Variants in PHF20 observed in about 807,000 individuals in gnomAD.
PHF20 encodes glioma-expressed antigen 2.
PHF20 carries 23 observed loss-of-function variants against 113.5 expected under a neutral mutation model. That is an observed-to-expected ratio of 0.20 (90% confidence interval 0.15 to 0.29). The LOEUF (loss-of-function observed/expected upper bound fraction) is 0.29. Among genes scored for constraint, PHF20 ranks in the 10% least tolerant of loss-of-function variants. The pLI is 1.00. For missense variants in PHF20, 943 were observed against 1,219.6 expected, an observed-to-expected ratio of 0.77 and a Z score of 3.38; for synonymous variants, 434 against 457.3, an observed-to-expected ratio of 0.95 and a Z score of 0.65.
At chr20:35,810,952 C>T (rs747836060) in intron 2 of PHF20, among the ~76,000 whole-genome samples, 1 of 151,966 alleles carries the variant, frequency 6.6e-6, no homozygotes, top group Non-Finnish European at 1.5e-5. Flanking sequence ...CAAGGTACAA[C>T]CATATTTTTT....
intron 15 of PHF20, among the ~76,000 whole-genome samples, chr20:35,933,359 A>G (rs1314985021): frequency 2.7e-5 from 4 of 148,246 alleles, no homozygotes; most frequent in Non-Finnish European, 5.9e-5. Context: ...TAAACTCCTG[A>G]GTTGCTAGGA....
chr20:35,850,583 CTG>C lies in PHF20; in HGVS notation c.340+3151_340+3152del, dbSNP rs2042708449. 10 of 84,044 alleles carry C rather than the reference CTG, an allele frequency of 1.2e-4. 1 individual carries two copies. The highest frequency in any genetic ancestry group is 5.3e-4 in the East Asian group (2 of 3,806). The allele number at this position is 84,044 out of a possible 1,614,324, so 5.2% of individuals were successfully genotyped here. On this transcript the variant is annotated intron_variant, in intron 4 of 17. Transcript: ENST00000374012. ...GCTTTAACTTGGCATCAATTATGAG[CTG>C]TTTTTTTTTTTTTTTTTTTTTTTTT...
chr20:35,819,300 G>A (rs753195677), intron 2 of PHF20, among the ~76,000 whole-genome samples: 21 of 151,922 alleles, frequency 1.4e-4, no homozygotes, highest in Admixed American at 7.2e-4. Flanking sequence ...TTTCCTAGTA[G>A]TGATACTTGG....
At chr20:35,813,146 T>G (rs2042007083) in intron 2 of PHF20, among the ~76,000 whole-genome samples, 2 of 151,960 alleles carry the variant, frequency 1.3e-5, no homozygotes, top group African/African-American at 4.8e-5. Context: ...TTTTTTTGTA[T>G]TTTTTAGTAG....
intron 2 of PHF20, among the ~76,000 whole-genome samples, chr20:35,813,031 C>T (rs183283962): frequency 3.9e-4 from 59 of 152,284 alleles, no homozygotes; most frequent in Admixed American, 1.2e-3. Context: ...CACAGTGGTG[C>T]GATCTTGGCT....
At chr20:35,872,645 G>T (rs2054443112) in intron 9 of PHF20, among the ~76,000 whole-genome samples, 1 of 152,064 alleles carries the variant, frequency 6.6e-6, no homozygotes, top group Non-Finnish European at 1.5e-5. Flanking sequence ...TGATTTATTT[G>T]TTGACCATGG....
chr20:35,773,592 C>T (rs915841604), intron 1 of PHF20, among the ~76,000 whole-genome samples: 10 of 152,154 alleles, frequency 6.6e-5, no homozygotes, highest in Non-Finnish European at 1.0e-4. Flanking sequence ...TTTTATCTTT[C>T]CGCTAGCAGG....
At chr20:35,788,463 C>T (rs1052042859) in intron 1 of PHF20, among the ~76,000 whole-genome samples, 3 of 151,988 alleles carry the variant, frequency 2.0e-5, no homozygotes, top group Non-Finnish European at 2.9e-5. Flanking sequence ...AACTCCTGGC[C>T]TCACTCAAGT....
chr20:35,923,430 G>A (rs138879365), intron 13 of PHF20, among the ~76,000 whole-genome samples: 6 of 152,140 alleles, frequency 3.9e-5, no homozygotes, highest in African/African-American at 1.4e-4. Flanking sequence ...GAGAGACCCC[G>A]TTTCTACAAG....
intron 2 of PHF20, among the ~76,000 whole-genome samples, chr20:35,842,322 A>G (rs2042550008): frequency 6.6e-6 from 1 of 152,228 alleles, no homozygotes; most frequent in Non-Finnish European, 1.5e-5. Context: ...CCTGGGTGAC[A>G]GAGCGAGACT....
At chr20:35,892,866 A>G (rs1181158176) in intron 9 of PHF20, among the ~76,000 whole-genome samples, 2 of 152,234 alleles carry the variant, frequency 1.3e-5, no homozygotes, top group Non-Finnish European at 2.9e-5. Flanking sequence ...TCACTGGGAA[A>G]TCTTACTTCC....
chr20:35,935,416 GAGTGC>G (rs1030959421), intron 15 of PHF20, among the ~76,000 whole-genome samples: 14 of 152,148 alleles, frequency 9.2e-5, no homozygotes, highest in African/African-American at 3.1e-4. Flanking sequence ...ACCCAGGCTG[GAGTGC>G]AGTGGTATGA....
At chr20:35,805,351 TTTTTTA>T (rs61280905) in intron 2 of PHF20, among the ~76,000 whole-genome samples, 3,278 of 127,956 alleles carry the variant, frequency 0.026, 75 homozygotes, top group African/African-American at 0.071. Context: ...CCACGCCTGA[TTTTTTA>T]TTATTATTAT....
At chr20:35,775,308 A>G (rs2041150072) in intron 1 of PHF20, among the ~76,000 whole-genome samples, 1 of 152,166 alleles carries the variant, frequency 6.6e-6, no homozygotes. Flanking sequence ...CACGAAGACA[A>G]AGTTTCTCTG....
chr20:35,917,807 T>C, intron 13 of PHF20, 145 bp downstream of exon 13: 1 of 697,478 alleles, frequency 1.4e-6, no homozygotes. Flanking sequence ...CTTTTTCGTT[T>C]GGCTTCCTCA....
At chr20:35,886,331 G>C (rs1256777525) in intron 9 of PHF20, among the ~76,000 whole-genome samples, 1 of 151,656 alleles carries the variant, frequency 6.6e-6, no homozygotes, top group Non-Finnish European at 1.5e-5. Context: ...GTAGAGACTG[G>C]TCCAGGCTGG....
chr20:35,821,651 CCT>C (rs757219418), intron 2 of PHF20, among the ~76,000 whole-genome samples: 1 of 151,872 alleles, frequency 6.6e-6, no homozygotes, highest in African/African-American at 2.4e-5. Context: ...AGAGCCAGAC[CCT>C]GTCTCAAAAA....
At chr20:35,935,146 A>G (rs974042143) in intron 15 of PHF20, among the ~76,000 whole-genome samples, 8 of 151,662 alleles carry the variant, frequency 5.3e-5, no homozygotes, top group Middle Eastern at 3.2e-3. Context: ...TGTCTGGCTC[A>G]TATTTCTTTT....
chr20:35,884,478 G>A (rs2054690691), intron 9 of PHF20, among the ~76,000 whole-genome samples: 1 of 152,184 alleles, frequency 6.6e-6, no homozygotes. Context: ...TGGGGGCTGA[G>A]TGCAGAGATC....
Sources: gnomAD v4.1 joint callset for allele counts (sites outside exome capture counted in the v4.1 genomes callset) on GRCh38, gnomAD v4.1.1 for gene constraint, MANE v1.5 for transcripts, NCBI Gene and HGNC (gene_info 2026-07-23, HGNC 2026-07-21) for gene names.